CDC40: variants seen among roughly 807,000 people sequenced by gnomAD.
CDC40 encodes the protein pre-mRNA-processing factor 17.
Under a neutral mutation model 80.6 loss-of-function variants are expected in CDC40, and 27 were observed. The observed-to-expected ratio is 0.33, with a 90% CI of 0.25 to 0.46. The LOEUF (loss-of-function observed/expected upper bound fraction) is 0.46, where lower values mean the gene tolerates loss of function less well. Among genes scored for constraint, CDC40 ranks in the 20% least tolerant of loss-of-function variants. The pLI, the probability that CDC40 is intolerant of heterozygous loss-of-function variation, is 1.00. For synonymous variants in CDC40, 221 were observed against 232.6 expected, an observed-to-expected ratio of 0.95 and a Z score of 0.45; for missense variants, 486 against 694.1, an observed-to-expected ratio of 0.70 and a Z score of 3.37.
Position 110,226,156 on chromosome 6 carries a change from A to T in CDC40, c.1341-11A>T. 1 of 1,550,274 alleles carries T rather than the reference A, an allele frequency of 6.5e-7. No homozygotes were observed. Among genetic ancestry groups the T allele is most frequent in the Non-Finnish European group, 8.9e-7 (1 of 1,125,014 alleles). On this transcript the variant is annotated splice_polypyrimidine_tract_variant and intron_variant, in intron 12 of 14. Transcript: ENST00000307731. ...AGTTGCTTATTCTGATATGCTATTT[A>T]AAATTTTTAGGGATATCCCTGTGGA...
At chr6:110,182,607 C>G (rs970754361) in intron 1 of CDC40, among the ~76,000 whole-genome samples, 4 of 152,192 alleles carry the variant, frequency 2.6e-5, no homozygotes, top group African/African-American at 9.6e-5. Flanking sequence ...CACATCAACT[C>G]CTTCCTTGCT....
chr6:110,208,174 C>T (rs1217817222), intron 4 of CDC40, among the ~76,000 whole-genome samples: 2 of 152,178 alleles, frequency 1.3e-5, no homozygotes, highest in Non-Finnish European at 2.9e-5. Context: ...TGGTTGGTTG[C>T]ATGGGACATT....
intron 10 of CDC40, among the ~76,000 whole-genome samples, 175 bp downstream of exon 10, chr6:110,217,978 T>A (rs563422459): frequency 6.6e-6 from 1 of 152,376 alleles, no homozygotes; most frequent in East Asian, 1.9e-4. Flanking sequence ...CATGAGTAGC[T>A]CTTTCACTGT....
In CDC40 at chr6:110,229,581, T is replaced by A. The variant is rs7756891; in HGVS notation, c.1563-373T>A. ...AAAGATATTAAAGCCAAAAAGTAAT[T>A]ATGAAAGTGTTAGAGCCTACTGTGA... On this transcript the variant is annotated intron_variant, in intron 14 of 14. Transcript: ENST00000307731. Among the ~76,000 whole-genome samples the A allele has an allele frequency of 5.1e-3, 769 of 152,230 alleles. 11 individuals are homozygous for A. Among genetic ancestry groups the A allele is most frequent in the African/African-American group, 0.018 (748 of 41,536 alleles).
intron 1 of CDC40, among the ~76,000 whole-genome samples, chr6:110,183,124 C>T (rs181847193): frequency 1.3e-5 from 2 of 152,306 alleles, no homozygotes; most frequent in Admixed American, 1.3e-4. Context: ...ACACTGTGGT[C>T]CTTCAGTCTC....
chr6:110,228,613 A>G (rs774344544), intron 13 of CDC40, among the ~76,000 whole-genome samples: 10 of 152,062 alleles, frequency 6.6e-5, no homozygotes, highest in Non-Finnish European at 1.5e-4. Context: ...GCTCAATGAT[A>G]TAGGATCGTA....
At chr6:110,225,156 TAG>T (rs1777835231) in intron 12 of CDC40, among the ~76,000 whole-genome samples, 1 of 152,178 alleles carries the variant, frequency 6.6e-6, no homozygotes, top group Admixed American at 6.5e-5. Context: ...GATGGATAAA[TAG>T]AGAAAATCCT....
intron 1 of CDC40, among the ~76,000 whole-genome samples, chr6:110,185,242 T>C (rs1584058778): frequency 9.2e-6 from 1 of 108,602 alleles, no homozygotes; most frequent in Non-Finnish European, 1.8e-5. Flanking sequence ...TCTTTTTTTC[T>C]TTTTTTTTTT....
At position 110,207,555 on chromosome 6, in the gene CDC40, T is replaced by C. The variant is rs1472358386; in HGVS notation, c.456T>C (p.Tyr152=). The change falls in exon 4 of 15, where the codon TAT becomes TAC. Residue 152 remains tyrosine, a synonymous_variant. Coordinates refer to ENST00000307731, the MANE Select transcript of CDC40 (RefSeq NM_015891.3). ...SLDNHQVSAK[Y]IGSVEEAEKN... The stretch of plus-strand genomic sequence containing the variant: ...ATAATCATCAAGTGTCTGCTAAATA[T>C]ATTGGTTCTGTAGAAGAAGCTGAAA... The C allele has an allele frequency of 1.2e-6, 2 of 1,603,456 alleles. No homozygotes were observed. The highest frequency in any genetic ancestry group is 1.7e-6 in the Non-Finnish European group (2 of 1,170,902).
Position 110,231,172 on chromosome 6 carries a change from T to G in CDC40, c.*1041T>G, listed in dbSNP as rs1009390792. ...TCCCCAGTTTGAGAAGCAGTGGCCA[T>G]GGTGAAAAATAGTTTTTGAAAACAT... On this transcript the variant is annotated 3_prime_UTR_variant, in exon 15 of 15. Transcript: ENST00000307731. The G allele has an allele frequency of 6.6e-6, 1 of 152,024 alleles. No individual in the cohort carries two copies. Among genetic ancestry groups the G allele is most frequent in the Non-Finnish European group, 1.5e-5 (1 of 67,998 alleles). The allele number at this position is 152,024 out of a possible 1,614,324, so 9.4% of individuals were successfully genotyped here. A position where few individuals can be genotyped will look rare whatever the true frequency, so the allele number is the denominator to read the frequency against.
intron 5 of CDC40, among the ~76,000 whole-genome samples, chr6:110,209,917 A>G (rs918868798): frequency 6.6e-6 from 1 of 152,170 alleles, no homozygotes; most frequent in Non-Finnish European, 1.5e-5. Context: ...TTGACTTGTT[A>G]TTATAGATAG....
chr6:110,193,335 C>T, intron 2 of CDC40, 67 bp downstream of exon 2: 1 of 897,370 alleles, frequency 1.1e-6, no homozygotes, highest in Non-Finnish European at 1.8e-6. Flanking sequence ...TAATTAGGTG[C>T]AGCAGTGAAT....
At chr6:110,203,587 C>A (rs899851439) in intron 3 of CDC40, among the ~76,000 whole-genome samples, 2 of 152,098 alleles carry the variant, frequency 1.3e-5, no homozygotes, top group African/African-American at 4.8e-5. Context: ...ATTTTCTTCC[C>A]ATTTTTAAAA....
At chr6:110,216,078 T>C (rs1049858989) in intron 9 of CDC40, among the ~76,000 whole-genome samples, 4 of 152,070 alleles carry the variant, frequency 2.6e-5, no homozygotes, top group African/African-American at 9.7e-5. Flanking sequence ...GGTAAAAATG[T>C]TCAGTAAGCA....
intron 3 of CDC40, among the ~76,000 whole-genome samples, chr6:110,206,575 G>A (rs1351631239): frequency 6.6e-6 from 1 of 152,130 alleles, no homozygotes; most frequent in Non-Finnish European, 1.5e-5. Context: ...TTTATAATTA[G>A]TTTAAAAAGC....
At chr6:110,218,895 C>T (rs6938653) in intron 10 of CDC40, among the ~76,000 whole-genome samples, 28,161 of 148,888 alleles carry the variant, frequency 0.19, 3,430 homozygotes, top group African/African-American at 0.35. Flanking sequence ...AGAACATTTG[C>T]GGCACTCAGT....
chr6:110,223,863 C>T lies in CDC40; in HGVS notation c.1341-2304C>T, dbSNP rs1042927074. On this transcript the variant is annotated intron_variant, in intron 12 of 14. Coordinates refer to ENST00000307731, the MANE Select transcript of CDC40 (RefSeq NM_015891.3). Reference sequence around the variant, plus strand: ...TTTTGTTTTGTTTGAGACAGAGTCTCGCTCTGTCACCCAGGCTGGAGTGCA... The same window carrying T: ...TTTTGTTTTGTTTGAGACAGAGTCTTGCTCTGTCACCCAGGCTGGAGTGCA... 2.8e-5 allele frequency among the ~76,000 whole-genome samples: 4 copies of T among 143,082 alleles called. No homozygotes were observed. In the Admixed American group the frequency reaches 2.9e-4, roughly 10 times the overall value. 93.9% of individuals were successfully genotyped at this position (143,082 alleles called of 152,430 possible).
At chr6:110,194,529 C>G (rs536719306) in intron 2 of CDC40, among the ~76,000 whole-genome samples, 7 of 152,142 alleles carry the variant, frequency 4.6e-5, no homozygotes, top group African/African-American at 1.7e-4. Context: ...TTCACTGAGT[C>G]TGCACTTAGC....
rs202176812 is a variant in CDC40 at position 110,193,203 on chromosome 6, C to A, written c.211C>A (p.His71Asn). The stretch of plus-strand genomic sequence containing the variant: ...TTAGGAAGATTTGGAGACTGGAGTT[C>A]ACCTTGACCCTGCCGTCAAAGAAGT... The part of the protein sequence containing the change: ...AVKEDLETGV[H>N]LDPAVKEVQY... The change falls in exon 2 of 15, where the codon CAC becomes AAC. Residue 71 changes from histidine (H) to asparagine (N), a missense_variant. His to Asn is a moderately conservative substitution (Grantham distance 68, BLOSUM62 1). Around this residue, in one of 3 missense-constraint regions of CDC40, gnomAD observed 381 missense variants for 492.1 expected, o/e 0.77. Transcript: ENST00000307731. 3.1e-6 allele frequency: 5 copies of A among 1,604,010 alleles called. No individual in the cohort carries two copies. In the African/African-American group the frequency reaches 6.7e-5, roughly 21 times the overall value.
Sources: gnomAD v4.1 joint callset for allele counts (sites outside exome capture counted in the v4.1 genomes callset) on GRCh38, gnomAD v4.1.1 for gene constraint, gnomAD v4.1.1 regional missense constraint, MANE v1.5 for transcripts, NCBI Gene and HGNC (gene_info 2026-07-23, HGNC 2026-07-21) for gene names.